The following KCNIP4 variants were observed in gnomAD, a reference collection of about 807,000 sequenced individuals.
The protein encoded by KCNIP4 is Kv channel-interacting protein 4.
KCNIP4 carries 12 observed loss-of-function variants against 34.0 expected under a neutral mutation model. The observed-to-expected ratio is 0.35, with a 90% confidence interval of 0.23 to 0.57. The LOEUF (loss-of-function observed/expected upper bound fraction) is 0.57, where lower values mean the gene tolerates loss of function less well. Among genes scored for constraint, KCNIP4 ranks in the 20% least tolerant of loss-of-function variants. The pLI is 0.83. For synonymous variants in KCNIP4, 124 were observed against 102.2 expected (o/e 1.21, Z -1.29); for missense variants, 238 against 311.7 (o/e 0.76, Z 1.78).
At chr4:20,991,676 A>G (rs185934902) in intron 1 of KCNIP4, among the ~76,000 whole-genome samples, 1 of 152,324 alleles carries the variant, frequency 6.6e-6, no homozygotes, top group African/African-American at 2.4e-5. Context: ...GTCTCTTATA[A>G]CTAGAAATAC....
At chr4:21,316,750 G>T (rs972206699) in intron 1 of KCNIP4, among the ~76,000 whole-genome samples, 3 of 152,170 alleles carry the variant, frequency 2.0e-5, no homozygotes, top group Non-Finnish European at 4.4e-5. Flanking sequence ...AACGTTCCAG[G>T]ACAATCCAGC....
chr4:21,266,385 A>G (rs1761809918), intron 1 of KCNIP4, among the ~76,000 whole-genome samples: 1 of 148,390 alleles, frequency 6.7e-6, no homozygotes, highest in African/African-American at 2.6e-5. Context: ...TTCCTTAAAA[A>G]CAAAATGCCA....
intron 1 of KCNIP4, among the ~76,000 whole-genome samples, chr4:21,132,757 CT>C (rs1179093536): frequency 1.2e-4 from 18 of 151,264 alleles, no homozygotes; most frequent in Middle Eastern, 3.2e-3. Flanking sequence ...GCCTGTAATC[CT>C]AGCACTTTGG....
At chr4:21,752,414 A>G (rs2109146892) in intron 1 of KCNIP4, among the ~76,000 whole-genome samples, 1 of 152,168 alleles carries the variant, frequency 6.6e-6, no homozygotes, top group South Asian at 2.1e-4. Flanking sequence ...TTGTAAAACC[A>G]TCAGATCTCA....
chr4:21,935,018 T>A (rs2109012811), intron 1 of KCNIP4, among the ~76,000 whole-genome samples: 1 of 152,210 alleles, frequency 6.6e-6, no homozygotes, highest in East Asian at 1.9e-4. Context: ...GTCATCTGAA[T>A]AATATCCTCC....
At chr4:21,759,327 T>C (rs1444995879) in intron 1 of KCNIP4, among the ~76,000 whole-genome samples, 1 of 152,206 alleles carries the variant, frequency 6.6e-6, no homozygotes, top group Non-Finnish European at 1.5e-5. Context: ...TAAAATTGAG[T>C]TCAATTATCA....
At chr4:20,732,660 G>C (rs1420459166) in intron 7 of KCNIP4, 21 bp downstream of exon 7, 1 of 1,510,922 alleles carries the variant, frequency 6.6e-7, no homozygotes, top group South Asian at 1.1e-5. Flanking sequence ...ATGCCCTCTT[G>C]ACTTCTGTTT....
chr4:21,233,306 G>T (rs888915032), intron 1 of KCNIP4, among the ~76,000 whole-genome samples: 1 of 152,086 alleles, frequency 6.6e-6, no homozygotes, highest in Non-Finnish European at 1.5e-5. Context: ...TATGTCCAAG[G>T]GGGGAGGCCC....
Position 20,729,335 on chromosome 4 carries a change from A to T in KCNIP4, c.*747T>A, listed in dbSNP as rs1478227058. ...TTAATGATTGATACTAATGATTGAT[A>T]CAATAGAAAACAGCCTGTAAGAAAG... On this transcript the variant is annotated 3_prime_UTR_variant, in exon 9 of 9. Transcript: ENST00000382152. 1 of 151,612 alleles carries T rather than the reference A, an allele frequency of 6.6e-6. No individual in the cohort carries two copies. Among genetic ancestry groups the T allele is most frequent in the Non-Finnish European group, 1.5e-5 (1 of 67,966 alleles). 9.4% of individuals were successfully genotyped at this position (151,612 alleles called of 1,614,324 possible). A position where few individuals can be genotyped will look rare whatever the true frequency, so the allele number is the denominator to read the frequency against.
At chr4:21,030,820 G>T (rs958930858) in intron 1 of KCNIP4, among the ~76,000 whole-genome samples, 5 of 152,140 alleles carry the variant, frequency 3.3e-5, no homozygotes, top group African/African-American at 1.2e-4. Context: ...TTGTGTAGCG[G>T]AACGAGGATA....
chr4:20,862,185 T>G (rs890037723), intron 2 of KCNIP4, among the ~76,000 whole-genome samples: 9 of 151,922 alleles, frequency 5.9e-5, no homozygotes, highest in African/African-American at 2.2e-4. Context: ...GAGACGGGGT[T>G]TCGCTATGTT....
chr4:21,924,714 CT>C (rs1165180438), intron 1 of KCNIP4, among the ~76,000 whole-genome samples: 1 of 152,100 alleles, frequency 6.6e-6, no homozygotes, highest in East Asian at 1.9e-4. Context: ...AGTAGATAAA[CT>C]GTTAATTTCA....
At chr4:20,849,776 A>G (rs1445271944) in intron 3 of KCNIP4, among the ~76,000 whole-genome samples, 4 of 152,194 alleles carry the variant, frequency 2.6e-5, no homozygotes, top group Non-Finnish European at 5.9e-5. Flanking sequence ...TTAAGGATGA[A>G]CTGTTTTCAG....
chr4:21,484,497 A>T (rs551539002), intron 1 of KCNIP4, among the ~76,000 whole-genome samples: 149 of 152,336 alleles, frequency 9.8e-4, no homozygotes, highest in Non-Finnish European at 1.9e-3. Flanking sequence ...CATTAAATGT[A>T]TCACCACGAC....
chr4:21,726,824 A>G (rs10006346), intron 1 of KCNIP4, among the ~76,000 whole-genome samples: 13,617 of 152,180 alleles, frequency 0.089, 2,056 homozygotes, highest in African/African-American at 0.31. Context: ...GCTTCAATCG[A>G]TGGATCAATC....
At chr4:20,783,152 A>G (rs947749652) in intron 3 of KCNIP4, among the ~76,000 whole-genome samples, 10 of 152,170 alleles carry the variant, frequency 6.6e-5, no homozygotes, top group South Asian at 2.1e-4. Flanking sequence ...TATTGTCCAT[A>G]TCACTATTAG....
chr4:21,313,727 A>C (rs931466341), intron 1 of KCNIP4, among the ~76,000 whole-genome samples: 12 of 152,198 alleles, frequency 7.9e-5, no homozygotes, highest in African/African-American at 2.9e-4. Context: ...AACTGAGAGC[A>C]TGCTATGTTA....
intron 1 of KCNIP4, among the ~76,000 whole-genome samples, chr4:21,070,490 T>C (rs984213253): frequency 6.6e-6 from 1 of 151,950 alleles, no homozygotes; most frequent in Non-Finnish European, 1.5e-5. Context: ...TTCTAATAGG[T>C]ATGTAGTGAT....
intron 1 of KCNIP4, among the ~76,000 whole-genome samples, chr4:21,144,348 A>C (rs1386183779): frequency 6.6e-6 from 1 of 152,170 alleles, no homozygotes; most frequent in Non-Finnish European, 1.5e-5. Context: ...CCCTTTTATA[A>C]AACATATCAT....
Sources: gnomAD v4.1 joint callset for allele counts (sites outside exome capture counted in the v4.1 genomes callset) on GRCh38, gnomAD v4.1.1 for gene constraint, MANE v1.5 for transcripts, NCBI Gene and HGNC (gene_info 2026-07-23, HGNC 2026-07-21) for gene names.